The following PDZRN4 variants were observed in gnomAD, a reference collection of about 807,000 sequenced individuals.
PDZRN4 encodes PDZ domain containing ring finger 4.
Under a neutral mutation model 99.0 loss-of-function variants are expected in PDZRN4, and 70 were observed. The observed-to-expected ratio is 0.71, with a 90% CI of 0.58 to 0.86. The LOEUF (loss-of-function observed/expected upper bound fraction) is 0.86, where lower values mean the gene tolerates loss of function less well. Ranked by LOEUF, PDZRN4 falls within the 40% of genes least tolerant of loss-of-function variation. PDZRN4 has a pLI of 0.00. For synonymous variants in PDZRN4, 551 were observed against 501.6 expected (o/e 1.10, Z -1.32); for missense variants, 1,474 against 1,331.2 (o/e 1.11, Z -1.67).
intron 3 of PDZRN4, among the ~76,000 whole-genome samples, chr12:41,293,409 T>A (rs1387281154): frequency 1.3e-5 from 2 of 151,610 alleles, no homozygotes; most frequent in Non-Finnish European, 2.9e-5. Context: ...TCCATCCTTT[T>A]CTGGCTCTCC....
At chr12:41,569,585 A>G (rs1939439304) in intron 9 of PDZRN4, among the ~76,000 whole-genome samples, 1 of 152,160 alleles carries the variant, frequency 6.6e-6, no homozygotes. Context: ...ATCTTAAAAG[A>G]TGATAATTTT....
chr12:41,392,891 C>T (rs1952219516), intron 3 of PDZRN4, among the ~76,000 whole-genome samples: 1 of 152,144 alleles, frequency 6.6e-6, no homozygotes, highest in Non-Finnish European at 1.5e-5. Context: ...AGCCTTGAGA[C>T]AAGAATCAAA....
intron 8 of PDZRN4, among the ~76,000 whole-genome samples, chr12:41,566,003 A>G (rs1939364518): frequency 6.6e-6 from 1 of 152,170 alleles, no homozygotes; most frequent in Admixed American, 6.6e-5. Flanking sequence ...ATGTACATCT[A>G]GGTAGAAAGG....
intron 9 of PDZRN4, among the ~76,000 whole-genome samples, chr12:41,572,156 G>T (rs1297310738): frequency 6.6e-6 from 1 of 152,118 alleles, no homozygotes; most frequent in Non-Finnish European, 1.5e-5. Context: ...CCATATTCAA[G>T]CGGGTTTTGT....
intron 3 of PDZRN4, among the ~76,000 whole-genome samples, chr12:41,261,756 T>C (rs1951241726): frequency 6.6e-6 from 1 of 152,236 alleles, no homozygotes; most frequent in Non-Finnish European, 1.5e-5. Context: ...CCCAAAATGC[T>C]AGGATTACAG....
At chr12:41,300,293 A>G (rs886241612) in intron 3 of PDZRN4, among the ~76,000 whole-genome samples, 18 of 151,966 alleles carry the variant, frequency 1.2e-4, no homozygotes, top group Admixed American at 7.2e-4. Context: ...AAACAAATGT[A>G]CTATGTCAGT....
intron 3 of PDZRN4, among the ~76,000 whole-genome samples, chr12:41,289,897 G>A (rs1280310112): frequency 6.6e-6 from 1 of 152,232 alleles, no homozygotes; most frequent in Non-Finnish European, 1.5e-5. Context: ...TGCTTTGTGA[G>A]TGTACCCTAA....
intron 6 of PDZRN4, among the ~76,000 whole-genome samples, chr12:41,554,180 T>C (rs935618327): frequency 6.6e-6 from 1 of 152,242 alleles, no homozygotes; most frequent in African/African-American, 2.4e-5. Context: ...TGTGGCATTA[T>C]CTCTTGTAAT....
At chr12:41,236,244 G>A (rs1222203884) in intron 3 of PDZRN4, among the ~76,000 whole-genome samples, 1 of 152,150 alleles carries the variant, frequency 6.6e-6, no homozygotes, top group East Asian at 1.9e-4. Context: ...ACAAAGGCAG[G>A]AAAGATTGAT....
At chr12:41,359,104 G>A (rs1951948109) in intron 3 of PDZRN4, among the ~76,000 whole-genome samples, 1 of 151,806 alleles carries the variant, frequency 6.6e-6, no homozygotes, top group Non-Finnish European at 1.5e-5. Context: ...CTTCTCTCTG[G>A]CCTTTACATT....
chr12:41,490,456 T>A (rs1315219767), intron 3 of PDZRN4, among the ~76,000 whole-genome samples: 1 of 152,132 alleles, frequency 6.6e-6, no homozygotes, highest in Non-Finnish European at 1.5e-5. Flanking sequence ...AGACAAACAT[T>A]GAAAGAAAAT....
intron 3 of PDZRN4, among the ~76,000 whole-genome samples, chr12:41,502,849 A>G (rs1428101573): frequency 6.6e-6 from 1 of 152,156 alleles, no homozygotes; most frequent in East Asian, 1.9e-4. Flanking sequence ...GGATATGGCA[A>G]TATGAAACAC....
chr12:41,255,339 A>C, intron 3 of PDZRN4, among the ~76,000 whole-genome samples: 1 of 152,238 alleles, frequency 6.6e-6, no homozygotes, highest in East Asian at 1.9e-4. Context: ...TCGATAATTA[A>C]GCCAAGACAA....
At chr12:41,206,192 A>C (rs570833407) in intron 3 of PDZRN4, among the ~76,000 whole-genome samples, 14 of 152,104 alleles carry the variant, frequency 9.2e-5, no homozygotes, top group African/African-American at 2.2e-4. Flanking sequence ...CACACACACA[A>C]ACACATTTAC....
intron 3 of PDZRN4, among the ~76,000 whole-genome samples, chr12:41,470,501 T>A (rs1000491637): frequency 2.0e-5 from 3 of 152,018 alleles, no homozygotes; most frequent in Admixed American, 1.3e-4. Flanking sequence ...CCTTTTTTTT[T>A]AATTTAATTA....
chr12:41,467,016 C>G (rs1952933139), intron 3 of PDZRN4, among the ~76,000 whole-genome samples: 1 of 152,182 alleles, frequency 6.6e-6, no homozygotes, highest in African/African-American at 2.4e-5. Flanking sequence ...TGCAGAATGG[C>G]TGGGGTTTGG....
At chr12:41,533,218 A>G (rs1000374027) in intron 5 of PDZRN4, among the ~76,000 whole-genome samples, 2 of 148,352 alleles carry the variant, frequency 1.3e-5, no homozygotes, top group Non-Finnish European at 3.0e-5. Flanking sequence ...TCTGTCCCCC[A>G]GGCTGGAGGG....
chr12:41,513,176 A>C (rs713288), intron 5 of PDZRN4, among the ~76,000 whole-genome samples: 3 of 152,078 alleles, frequency 2.0e-5, no homozygotes, highest in African/African-American at 7.2e-5. Context: ...CTTTTAACAC[A>C]CATATTATTT....
chr12:41,478,054 A>G (rs752827882), intron 3 of PDZRN4: 26 of 625,670 alleles, frequency 4.2e-5, no homozygotes, highest in Non-Finnish European at 6.7e-5. Context: ...GTGTCCCCCA[A>G]TAATATATTT....
Sources: gnomAD v4.1 joint callset for allele counts (sites outside exome capture counted in the v4.1 genomes callset) on GRCh38, gnomAD v4.1.1 for gene constraint, MANE v1.5 for transcripts, NCBI Gene and HGNC (gene_info 2026-07-23, HGNC 2026-07-21) for gene names.